The following SLIT3 variants were observed in gnomAD, a reference collection of about 807,000 sequenced individuals.
The protein encoded by SLIT3 is slit guidance ligand 3.
SLIT3 carries 68 observed loss-of-function variants against 184.0 expected under a neutral mutation model. The ratio of observed to expected loss-of-function variants is 0.37; its 90% CI spans 0.30 to 0.45. The LOEUF (loss-of-function observed/expected upper bound fraction) is 0.45, where lower values mean the gene tolerates loss of function less well. Among genes scored for constraint, SLIT3 ranks in the 20% least tolerant of loss-of-function variants. The probability of loss-of-function intolerance (pLI) is 1.00; values close to 1 mark genes in which losing one functional copy is unlikely to be tolerated. For synonymous variants in SLIT3, 831 were observed against 828.6 expected, an observed-to-expected ratio of 1.00 and a Z score of -0.05; for missense variants, 1,707 against 2,026.0, an observed-to-expected ratio of 0.84 and a Z score of 3.02.
intron 4 of SLIT3, among the ~76,000 whole-genome samples, chr5:169,115,850 G>A (rs1380918609): frequency 3.3e-5 from 5 of 152,182 alleles, no homozygotes; most frequent in Non-Finnish European, 7.3e-5. Flanking sequence ...ACTTGAGCCG[G>A]TGCTCCTGAC....
At chr5:168,852,306 C>T (rs745925157) in intron 5 of SLIT3, among the ~76,000 whole-genome samples, 2 of 152,198 alleles carry the variant, frequency 1.3e-5, no homozygotes, top group Non-Finnish European at 2.9e-5. Context: ...TCTAAATCAC[C>T]CAGCACAAAC....
In SLIT3 at chr5:168,663,291, G is replaced by C. The variant is rs28532125; in HGVS notation, c.*3163C>G. 6.6e-6 allele frequency: 1 copy of C among 151,764 alleles called. No homozygotes were observed. Among genetic ancestry groups the C allele is most frequent in the Admixed American group, 6.6e-5 (1 of 15,240 alleles). The allele number at this position is 151,764 out of a possible 1,614,324, so 9.4% of individuals were successfully genotyped here. On this transcript the variant is annotated 3_prime_UTR_variant, in exon 36 of 36. Transcript: ENST00000519560. ...ATCCACCTGCCTAGGGGGAGAGGGGGGATGGGGCAATGGAGGTGGGGATGG... is the reference window on the plus strand; with the variant it reads ...ATCCACCTGCCTAGGGGGAGAGGGGCGATGGGGCAATGGAGGTGGGGATGG...
At chr5:169,277,251 G>A (rs941869513) in intron 1 of SLIT3, among the ~76,000 whole-genome samples, 11 of 151,684 alleles carry the variant, frequency 7.3e-5, no homozygotes, top group African/African-American at 2.7e-4. Flanking sequence ...TCTTTTTTGA[G>A]ACAGGGTCTT....
At chr5:168,750,087 A>G (rs1476323410) in intron 18 of SLIT3, among the ~76,000 whole-genome samples, 1 of 151,632 alleles carries the variant, frequency 6.6e-6, no homozygotes, top group Non-Finnish European at 1.5e-5. Context: ...ATTCCCTTTC[A>G]TTCTCCCCAT....
rs1554149580 is a variant in SLIT3, at chr5:168,857,373, T to TTTTTGTTTTTG, written c.486-12719_486-12718insCAAAAACAAAA. ...TCATTTGCCAGCAGTAGAGTTTTTG[T>TTTTTGTTTTTG]TTTTGTTTTGTTTTGTTTTGTTTTG... On this transcript the variant is annotated intron_variant, in intron 5 of 35. Transcript: ENST00000519560. Among the ~76,000 whole-genome samples the TTTTTGTTTTTG allele has an allele frequency of 4.6e-5, 7 of 150,934 alleles. No homozygotes were observed. The South Asian group carries it at 1.3e-3, about 27-fold the overall frequency.
intron 4 of SLIT3, among the ~76,000 whole-genome samples, chr5:168,887,739 G>T (rs114457954): frequency 6.6e-6 from 1 of 152,078 alleles, no homozygotes; most frequent in Non-Finnish European, 1.5e-5. Context: ...ACTACAGCTT[G>T]TAGTGCTCTG....
intron 4 of SLIT3, among the ~76,000 whole-genome samples, chr5:169,035,189 A>G (rs1056555756): frequency 6.6e-6 from 1 of 152,092 alleles, no homozygotes. Flanking sequence ...ATAGACTGTA[A>G]GAGAAGAACC....
intron 20 of SLIT3, among the ~76,000 whole-genome samples, chr5:168,738,877 G>T (rs1003623117): frequency 6.2e-5 from 9 of 145,128 alleles, no homozygotes; most frequent in Non-Finnish European, 1.3e-4. Context: ...GGCGGGGCTT[G>T]CAGTGAGCCG....
chr5:168,877,916 G>T (rs1759795346), intron 5 of SLIT3, among the ~76,000 whole-genome samples: 1 of 151,906 alleles, frequency 6.6e-6, no homozygotes, highest in African/African-American at 2.4e-5. Flanking sequence ...GGCTTGGCTG[G>T]ATTGTGGCCT....
At chr5:168,709,831 GT>G (rs552127988) in intron 25 of SLIT3, among the ~76,000 whole-genome samples, 7,091 of 145,110 alleles carry the variant, frequency 0.049, 415 homozygotes, top group African/African-American at 0.14. Flanking sequence ...AATAAAAGGA[GT>G]TTTTTTTTTT....
Position 169,222,853 on chromosome 5 carries a change from G to A in SLIT3, c.341+21852C>T, listed in dbSNP as rs536055875. Among the ~76,000 whole-genome samples the A allele has an allele frequency of 5.9e-5, 9 of 152,274 alleles. No individual in the cohort carries two copies. The South Asian group carries it at 1.9e-3, about 32-fold the overall frequency. On this transcript the variant is annotated intron_variant, in intron 3 of 35. Transcript: ENST00000519560. Reference sequence around the variant, plus strand: ...CCAGAGAGAAGCACCAGGAGCCATGGTGAAATCTCCCCAGCCCACCGTTGA... The same window carrying A: ...CCAGAGAGAAGCACCAGGAGCCATGATGAAATCTCCCCAGCCCACCGTTGA...
chr5:169,018,942 G>A (rs372104956), intron 4 of SLIT3, among the ~76,000 whole-genome samples: 6 of 152,288 alleles, frequency 3.9e-5, no homozygotes, highest in East Asian at 1.9e-4. Flanking sequence ...ATGCAGTTTT[G>A]CCTCTCTCTG....
Position 168,897,647 on chromosome 5 carries a change from T to TGCATACACACACACACACACAC in SLIT3, c.414-14312_414-14311insGTGTGTGTGTGTGTGTGTATGC, listed in dbSNP as rs3223457. Among the ~76,000 whole-genome samples the TGCATACACACACACACACACAC allele has an allele frequency of 1.8e-3, 254 of 141,524 alleles. 3 individuals are homozygous for TGCATACACACACACACACACAC. The highest frequency in any genetic ancestry group is 3.0e-3 in the Admixed American group (43 of 14,170). The allele number at this position is 141,524 out of a possible 152,430, so 92.8% of individuals were successfully genotyped here. ...GAAAGAGGATGGAGACAGGTGCACG[T>TGCATACACACACACACACACAC]ACACACACACACACACACACACACA... On this transcript the variant is annotated intron_variant, in intron 4 of 35. Transcript: ENST00000519560.
intron 4 of SLIT3, among the ~76,000 whole-genome samples, chr5:169,068,556 A>G (rs1404533913): frequency 1.3e-5 from 2 of 152,218 alleles, no homozygotes; most frequent in Non-Finnish European, 2.9e-5. Context: ...AAGCAAAGAG[A>G]GAAAATTTCC....
intron 4 of SLIT3, among the ~76,000 whole-genome samples, chr5:168,956,675 T>C (rs1202814384): frequency 6.6e-6 from 1 of 151,748 alleles, no homozygotes; most frequent in African/African-American, 2.4e-5. Context: ...GCGCCTGTAG[T>C]CCAGCTGCTT....
intron 4 of SLIT3, among the ~76,000 whole-genome samples, chr5:169,110,420 T>G (rs937418643): frequency 3.3e-5 from 5 of 152,136 alleles, no homozygotes; most frequent in Non-Finnish European, 4.4e-5. Flanking sequence ...GGTTGGCTCC[T>G]TCTGAGGGCT....
chr5:169,297,288 C>T (rs1055743585), intron 1 of SLIT3, among the ~76,000 whole-genome samples: 4 of 152,172 alleles, frequency 2.6e-5, no homozygotes, highest in Non-Finnish European at 5.9e-5. Flanking sequence ...GATGTTCTGA[C>T]ATTATAGGGA....
At chr5:169,201,762 G>A (rs377011446) in intron 3 of SLIT3, among the ~76,000 whole-genome samples, 1 of 152,202 alleles carries the variant, frequency 6.6e-6, no homozygotes, top group African/African-American at 2.4e-5. Context: ...AAGTACATCA[G>A]CTCTTAACTC....
At chr5:169,036,514 C>T (rs1937048476) in intron 4 of SLIT3, 1 of 152,282 alleles carries the variant, frequency 6.6e-6, no homozygotes, top group Middle Eastern at 3.4e-3. Flanking sequence ...AACCTACCTC[C>T]CCTCTCCCTC....
Sources: allele counts gnomAD v4.1 joint callset (sites outside exome capture counted in the v4.1 genomes callset), GRCh38; gene constraint gnomAD v4.1.1; transcripts MANE v1.5; gene names NCBI Gene and HGNC (gene_info 2026-07-23, HGNC 2026-07-21).